Variants in CHD9 observed in about 807,000 individuals in gnomAD.
CHD9 encodes ATP-dependent chromatin remodeler CHD9.
CHD9 carries 77 observed loss-of-function variants against 316.1 expected under a neutral mutation model. The ratio of observed to expected loss-of-function variants is 0.24; its 90% CI spans 0.20 to 0.29. CHD9 has a LOEUF of 0.29. Ranked by LOEUF, CHD9 falls within the 10% of genes least tolerant of loss-of-function variation. The pLI is 1.00. For synonymous variants in CHD9, 1,129 were observed against 1,158.3 expected (o/e 0.97, Z 0.51); for missense variants, 2,763 against 3,438.1 (o/e 0.80, Z 4.91).
At chr16:53,139,621 T>C (rs545436527) in intron 1 of CHD9, among the ~76,000 whole-genome samples, 2 of 152,200 alleles carry the variant, frequency 1.3e-5, no homozygotes, top group African/African-American at 4.8e-5. Context: ...GACTGTAAGC[T>C]CTTGGGAAAG....
intron 1 of CHD9, among the ~76,000 whole-genome samples, chr16:53,149,436 TC>T (rs1246141082): frequency 6.6e-6 from 1 of 152,176 alleles, no homozygotes; most frequent in African/African-American, 2.4e-5. Flanking sequence ...TATTTTTACT[TC>T]ATAAATTTTG....
chr16:53,308,018 A>G (rs2056140636), intron 33 of CHD9, 65 bp downstream of exon 33: 1 of 1,392,574 alleles, frequency 7.2e-7, no homozygotes, highest in Non-Finnish European at 9.7e-7. Context: ...CTTTTCCTGC[A>G]AATGGCTGCC....
At chr16:53,204,654 C>G (rs1346399300) in intron 2 of CHD9, among the ~76,000 whole-genome samples, 1 of 151,996 alleles carries the variant, frequency 6.6e-6, no homozygotes, top group Non-Finnish European at 1.5e-5. Context: ...AACACTTATA[C>G]TATAAATCTT....
At chr16:53,321,485 T>A in intron 37 of CHD9, 41 bp from the exon 38 acceptor site, 1 of 1,487,190 alleles carries the variant, frequency 6.7e-7, no homozygotes, top group Non-Finnish European at 9.0e-7. Flanking sequence ...GAGTTTTCTA[T>A]GTAACAGTGT....
chr16:53,161,289 A>T (rs966623644), intron 2 of CHD9, among the ~76,000 whole-genome samples: 1 of 152,198 alleles, frequency 6.6e-6, no homozygotes, highest in Middle Eastern at 3.2e-3. Context: ...AATATATGAA[A>T]TGCAAATGAT....
Position 53,249,784 on chromosome 16 carries a change from G to A in CHD9, c.3666-87G>A. The A allele has an allele frequency of 7.8e-6, 8 of 1,031,962 alleles. No homozygotes were observed. The South Asian group carries it at 9.5e-5, about 12-fold the overall frequency. 63.9% of individuals were successfully genotyped at this position (1,031,962 alleles called of 1,614,324 possible). A position where few individuals can be genotyped will look rare whatever the true frequency, so the allele number is the denominator to read the frequency against. On this transcript the variant is annotated intron_variant, in intron 16 of 38. Coordinates refer to ENST00000447540, the MANE Select transcript of CHD9 (RefSeq NM_001308319.2). ...TTAATTTTAGAGAAAACATAATGCT[G>A]CAGGAAAACTGACTTTACATTTGAT...
At chr16:53,141,325 GT>G (rs1269982483) in intron 1 of CHD9, among the ~76,000 whole-genome samples, 1 of 152,178 alleles carries the variant, frequency 6.6e-6, no homozygotes, top group Non-Finnish European at 1.5e-5. Context: ...TCCAGAGCCT[GT>G]AAAACTGTGC....
At chr16:53,240,311 T>G (rs1186240487) in intron 12 of CHD9, among the ~76,000 whole-genome samples, 1 of 152,198 alleles carries the variant, frequency 6.6e-6, no homozygotes. Flanking sequence ...AAAGCACAAC[T>G]AATATCTTGA....
chr16:53,208,224 T>C, intron 2 of CHD9: 3 of 1,179,568 alleles, frequency 2.5e-6, no homozygotes, highest in Non-Finnish European at 3.2e-6. Context: ...GCTTGCTAAA[T>C]AGGCCATTTA....
chr16:53,123,029 A>C (rs2038813547), intron 1 of CHD9, among the ~76,000 whole-genome samples: 1 of 139,870 alleles, frequency 7.1e-6, no homozygotes, highest in Non-Finnish European at 1.6e-5. Context: ...CACCCAGCTA[A>C]TTTTTATATT....
intron 1 of CHD9, among the ~76,000 whole-genome samples, chr16:53,070,520 CCTTCCTTCCTTCCT>C (rs1181915199): frequency 0.065 from 1,583 of 24,416 alleles, 21 homozygotes; most frequent in African/African-American, 0.11. Flanking sequence ...TTCCTTCCTT[CCTTCCTTCCTTCCT>C]CTCTCTCTCT....
In CHD9 at chr16:53,263,029, G is replaced by A. The variant is rs774339777; in HGVS notation, c.4252G>A (p.Asp1418Asn). The change falls in exon 20 of 39, where the codon GAT (aspartate) becomes AAT (asparagine). Residue 1418 changes from aspartate to asparagine, a missense_variant. Asp to Asn is a conservative substitution (Grantham distance 23). Around this residue, in one of 15 missense-constraint regions of CHD9, gnomAD observed 199 missense variants for 251.7 expected, o/e 0.79. Transcript: ENST00000447540. Reference sequence around the variant, plus strand: ...TGGAAACCGGACAGATATTTCTTTAGATGATCCCAACTTCTGGCAAAAATG... The same window carrying A: ...TGGAAACCGGACAGATATTTCTTTAAATGATCCCAACTTCTGGCAAAAATG... ...ASGNRTDISL[D>N]DPNFWQKWAK... The A allele has an allele frequency of 4.1e-5, 66 of 1,612,806 alleles. No homozygotes were observed. The highest frequency in any genetic ancestry group is 1.3e-4 in the South Asian group (12 of 90,990).
chr16:53,173,809 G>T (rs1448336309), intron 2 of CHD9, among the ~76,000 whole-genome samples: 2 of 152,012 alleles, frequency 1.3e-5, no homozygotes, highest in Non-Finnish European at 2.9e-5. Context: ...CTCCCAAAGT[G>T]CTGGGATTAC....
intron 29 of CHD9, among the ~76,000 whole-genome samples, chr16:53,296,236 T>G (rs117687431): frequency 6.6e-6 from 1 of 152,316 alleles, no homozygotes; most frequent in African/African-American, 2.4e-5. Context: ...TACCTTATAC[T>G]ATAAATGTGT....
At chr16:53,285,901 C>T (rs966146952) in intron 25 of CHD9, among the ~76,000 whole-genome samples, 6 of 152,282 alleles carry the variant, frequency 3.9e-5, no homozygotes, top group Middle Eastern at 3.4e-3. Context: ...CCTACCCTTC[C>T]TGGATGTAAA....
intron 1 of CHD9, among the ~76,000 whole-genome samples, chr16:53,092,124 T>C (rs2035994713): frequency 6.6e-6 from 1 of 152,150 alleles, no homozygotes; most frequent in Non-Finnish European, 1.5e-5. Context: ...CCCCCCCAGC[T>C]GTGGATCAGG....
intron 2 of CHD9, chr16:53,208,329 G>C: frequency 1.6e-6 from 2 of 1,282,168 alleles, no homozygotes; most frequent in Non-Finnish European, 2.0e-6. Flanking sequence ...TGTCTTCAGT[G>C]AAGAGGCCAA....
chr16:53,265,045 T>A (rs1400796785), intron 20 of CHD9, among the ~76,000 whole-genome samples: 1 of 152,134 alleles, frequency 6.6e-6, no homozygotes, highest in Non-Finnish European at 1.5e-5. Context: ...TGTAAAAAAT[T>A]AAGGACTTTT....
intron 2 of CHD9, among the ~76,000 whole-genome samples, chr16:53,188,608 T>C (rs1405299830): frequency 8.1e-6 from 1 of 122,814 alleles, no homozygotes; most frequent in Admixed American, 8.0e-5. Flanking sequence ...TTACCTTTTT[T>C]TTTTTTTTTT....
Sources: allele counts gnomAD v4.1 joint callset (sites outside exome capture counted in the v4.1 genomes callset), GRCh38; gene constraint gnomAD v4.1.1; regional missense constraint gnomAD v4.1.1; transcripts MANE v1.5; gene names NCBI Gene and HGNC (gene_info 2026-07-23, HGNC 2026-07-21).